FOXP2: variants seen among roughly 807,000 people sequenced by gnomAD.
FOXP2 encodes the protein forkhead box P2, also known as forkhead box protein P2.
FOXP2 carries 12 observed loss-of-function variants against 115.8 expected under a neutral mutation model. The observed-to-expected ratio is 0.10, with a 90% CI of 0.07 to 0.17. The LOEUF (loss-of-function observed/expected upper bound fraction) is 0.17. Among genes scored for constraint, FOXP2 ranks in the 10% least tolerant of loss-of-function variants. FOXP2 has a pLI of 1.00. For missense variants in FOXP2, 629 were observed against 843.5 expected (o/e 0.75, Z 3.15); for synonymous variants, 328 against 297.7 (o/e 1.10, Z -1.05).
chr7:114,408,870 A>C (rs1343734911), intron 2 of FOXP2, among the ~76,000 whole-genome samples: 1 of 152,134 alleles, frequency 6.6e-6, no homozygotes, highest in Non-Finnish European at 1.5e-5. Flanking sequence ...GGAGAAAGCA[A>C]ACCTTTATTT....
chr7:114,292,278 G>A (rs377433131), intron 2 of FOXP2, among the ~76,000 whole-genome samples: 3 of 151,742 alleles, frequency 2.0e-5, no homozygotes, highest in Admixed American at 6.6e-5. Context: ...TTACTTTAAC[G>A]TTTTATAATT....
chr7:114,102,708 A>G (rs1292464393), intron 1 of FOXP2, among the ~76,000 whole-genome samples: 1 of 150,364 alleles, frequency 6.7e-6, no homozygotes, highest in African/African-American at 2.5e-5. Context: ...ACACACACAC[A>G]CACACACACA....
chr7:114,499,945 G>C (rs1369583346), intron 2 of FOXP2, among the ~76,000 whole-genome samples: 1 of 152,150 alleles, frequency 6.6e-6, no homozygotes, highest in Non-Finnish European at 1.5e-5. Context: ...GCAGGGCACG[G>C]TGGCTCACGC....
chr7:114,392,963 A>G (rs1442768427), intron 2 of FOXP2, among the ~76,000 whole-genome samples: 1 of 152,148 alleles, frequency 6.6e-6, no homozygotes, highest in South Asian at 2.1e-4. Flanking sequence ...GGGTGGATTC[A>G]AGGCCATTTA....
intron 2 of FOXP2, among the ~76,000 whole-genome samples, chr7:114,362,500 G>C (rs950969927): frequency 1.3e-5 from 2 of 151,990 alleles, no homozygotes; most frequent in African/African-American, 4.8e-5. Flanking sequence ...AACAACTTAT[G>C]GTTATCCAAG....
intron 1 of FOXP2, among the ~76,000 whole-genome samples, chr7:114,128,440 A>G (rs28412217): frequency 1.5e-3 from 223 of 150,352 alleles, no homozygotes; most frequent in African/African-American, 5.1e-3. Flanking sequence ...TTTTTTTGCC[A>G]AAAATGACCC....
upstream of FOXP2, chr7:114,414,294 T>G (rs1156938402): frequency 6.6e-6 from 1 of 152,154 alleles, no homozygotes; most frequent in African/African-American, 2.4e-5. Context: ...GTGTACAGAC[T>G]TGGCTTTGTA....
chr7:114,417,755 G>A (rs544035742), intron 1 of FOXP2, among the ~76,000 whole-genome samples: 16 of 152,004 alleles, frequency 1.1e-4, no homozygotes, highest in East Asian at 5.8e-4. Flanking sequence ...AAAATGAAAA[G>A]CAAATAATTA....
intron 2 of FOXP2, among the ~76,000 whole-genome samples, chr7:114,310,038 C>T (rs555357549): frequency 1.2e-4 from 19 of 152,082 alleles, no homozygotes; most frequent in African/African-American, 4.6e-4. Flanking sequence ...GTCAACAGTC[C>T]AAGATATAGT....
chr7:114,433,969 A>G (rs1369408246), intron 2 of FOXP2, among the ~76,000 whole-genome samples: 1 of 151,942 alleles, frequency 6.6e-6, no homozygotes, highest in Non-Finnish European at 1.5e-5. Flanking sequence ...ATAAAGTAAT[A>G]GGCATGATAT....
chr7:114,213,965 T>C (rs1418771172), intron 1 of FOXP2, among the ~76,000 whole-genome samples: 21 of 152,222 alleles, frequency 1.4e-4, no homozygotes, highest in Admixed American at 1.4e-3. Flanking sequence ...TTAAATCTTC[T>C]GAGTTAATTT....
intron 1 of FOXP2, among the ~76,000 whole-genome samples, chr7:114,420,363 G>A (rs944064662): frequency 6.6e-6 from 1 of 151,920 alleles, no homozygotes; most frequent in Non-Finnish European, 1.5e-5. Flanking sequence ...TGCTAGGCAG[G>A]TCTTTCTATG....
rs1796786650 is a variant in FOXP2, at chr7:114,486,579, G to T, written c.169-48038G>T. ...TTCAGCATTAACTTAAACGTCCACA[G>T]TCCAAAGCCTCATCTGAGACAAGGC... On this transcript the variant is annotated intron_variant, in intron 2 of 16. Coordinates refer to ENST00000350908, the MANE Select transcript of FOXP2 (RefSeq NM_014491.4). Among the ~76,000 whole-genome samples the T allele has an allele frequency of 2.0e-5, 3 of 152,120 alleles. No individual in the cohort carries two copies. In the South Asian group the frequency reaches 6.2e-4, roughly 31 times the overall value.
At chr7:114,111,472 A>C (rs1327568804) in intron 1 of FOXP2, among the ~76,000 whole-genome samples, 1 of 152,154 alleles carries the variant, frequency 6.6e-6, no homozygotes, top group Non-Finnish European at 1.5e-5. Flanking sequence ...ATTGTGAGGA[A>C]TAGTAAATTG....
intron 1 of FOXP2, among the ~76,000 whole-genome samples, chr7:114,129,045 G>A (rs1050227500): frequency 3.3e-5 from 5 of 152,242 alleles, no homozygotes; most frequent in Admixed American, 3.3e-4. Context: ...ACTTGGTTAT[G>A]TTGGTGATAC....
intron 2 of FOXP2, among the ~76,000 whole-genome samples, chr7:114,506,237 A>G (rs193080841): frequency 4.7e-4 from 72 of 151,860 alleles, no homozygotes; most frequent in African/African-American, 1.7e-3. Flanking sequence ...AGTTACTTAT[A>G]CATTGCTATA....
intron 1 of FOXP2, among the ~76,000 whole-genome samples, chr7:114,109,509 A>T (rs992384310): frequency 1.3e-5 from 2 of 152,072 alleles, no homozygotes; most frequent in African/African-American, 4.8e-5. Context: ...GAACTGCTTG[A>T]AGAGAATTTA....
intron 1 of FOXP2, among the ~76,000 whole-genome samples, chr7:114,253,811 A>T (rs939150948): frequency 1.3e-5 from 2 of 152,160 alleles, no homozygotes; most frequent in African/African-American, 4.8e-5. Flanking sequence ...TAATATTGTT[A>T]TGTGTGAATT....
chr7:114,233,821 T>G (rs1794944912), intron 1 of FOXP2, among the ~76,000 whole-genome samples: 1 of 152,166 alleles, frequency 6.6e-6, no homozygotes, highest in Non-Finnish European at 1.5e-5. Flanking sequence ...GAGACCAGCC[T>G]GATCAACATG....
Sources: allele counts gnomAD v4.1 joint callset (sites outside exome capture counted in the v4.1 genomes callset), GRCh38; gene constraint gnomAD v4.1.1; transcripts MANE v1.5; gene names NCBI Gene and HGNC (gene_info 2026-07-23, HGNC 2026-07-21).